Variants in PPP1R12C observed in about 807,000 individuals in gnomAD.
The protein encoded by PPP1R12C is leukocyte receptor cluster (LRC) encoded novel gene 3.
In PPP1R12C, 48 loss-of-function variants were observed where a neutral mutation model predicts 95.6. That is an observed-to-expected ratio of 0.50 (90% CI 0.40 to 0.64). The LOEUF (loss-of-function observed/expected upper bound fraction) is 0.64. Ranked by LOEUF, PPP1R12C falls within the 30% of genes least tolerant of loss-of-function variation. PPP1R12C has a pLI of 0.00. For synonymous variants in PPP1R12C, 480 were observed against 460.8 expected, an observed-to-expected ratio of 1.04 and a Z score of -0.53; for missense variants, 1,057 against 1,083.3, an observed-to-expected ratio of 0.98 and a Z score of 0.34.
chr19:55,091,465 C>T lies in PPP1R12C; in HGVS notation c.*7G>A, dbSNP rs374836820. 4.1e-5 allele frequency: 66 copies of T among 1,612,896 alleles called. No homozygotes were observed. The African/African-American group carries it at 8.4e-4, about 21-fold the overall frequency. On this transcript the variant is annotated 3_prime_UTR_variant, in exon 22 of 22. Coordinates refer to ENST00000263433, the MANE Select transcript of PPP1R12C (RefSeq NM_017607.4). Reference sequence around the variant, plus strand: ...TATAAATACGGGTGCGGGAAAGTCCCTCCGGGTCACTTGGAGAGTTTGCTG... The same window carrying T: ...TATAAATACGGGTGCGGGAAAGTCCTTCCGGGTCACTTGGAGAGTTTGCTG...
At chr19:55,112,295 G>A (rs2085104742) in intron 3 of PPP1R12C, 172 bp downstream of exon 3, 3 of 583,564 alleles carry the variant, frequency 5.1e-6, no homozygotes, top group Non-Finnish European at 8.9e-6. Flanking sequence ...AAGCAATCCT[G>A]GAGGCAGGCC....
At chr19:55,112,311 A>G (rs1427265746) in intron 3 of PPP1R12C, 156 bp downstream of exon 3, 1 of 661,048 alleles carries the variant, frequency 1.5e-6, no homozygotes, top group Non-Finnish European at 2.5e-6. Context: ...AGGCCCCTAC[A>G]CCCCCATTTC....
At position 55,100,955 on chromosome 19, in the gene PPP1R12C, A is replaced by T. The variant is rs563987457; in HGVS notation, c.732-1860T>A. On this transcript the variant is annotated intron_variant, in intron 4 of 21. Transcript: ENST00000263433. Reference sequence around the variant, plus strand: ...AGGAGAATGCTGGTTACATTATTTTAAAAATGCAGTCAGGCTAGGCACAGT... The same window carrying T: ...AGGAGAATGCTGGTTACATTATTTTTAAAATGCAGTCAGGCTAGGCACAGT... Among the ~76,000 whole-genome samples the T allele has an allele frequency of 7.9e-5, 12 of 152,254 alleles. No individual in the cohort carries two copies. In the South Asian group the frequency reaches 2.5e-3, roughly 32 times the overall value.
chr19:55,095,138 G>C (rs1162841915), intron 11 of PPP1R12C, 153 bp downstream of exon 11: 5 of 900,750 alleles, frequency 5.6e-6, no homozygotes, highest in Non-Finnish European at 8.7e-6. Flanking sequence ...CTGAGGGAGG[G>C]AGAGAGCCCC....
intron 4 of PPP1R12C, among the ~76,000 whole-genome samples, chr19:55,100,202 A>G (rs2084965885): frequency 6.6e-6 from 1 of 150,936 alleles, no homozygotes; most frequent in Admixed American, 6.6e-5. Context: ...TCCTGACCCC[A>G]AAGCCCCTCC....
chr19:55,110,023 C>T (rs907172730), intron 3 of PPP1R12C, among the ~76,000 whole-genome samples: 21 of 152,288 alleles, frequency 1.4e-4, no homozygotes, highest in African/African-American at 4.3e-4. Context: ...CCTCACCCCA[C>T]GGGAGGGAAG....
Position 55,091,118 on chromosome 19 carries a change from G to A in PPP1R12C, c.*354C>T. ...CATTCTTGGATCCCTGCTCAGGAGG[G>A]GAGGGGTGACGGGGTGGCATCACAC... On this transcript the variant is annotated 3_prime_UTR_variant, in exon 22 of 22. Transcript: ENST00000263433. The A allele has an allele frequency of 3.0e-6, 1 of 336,608 alleles. No individual in the cohort carries two copies. Among genetic ancestry groups the A allele is most frequent in the South Asian group, 3.1e-5 (1 of 32,330 alleles). 20.9% of individuals were successfully genotyped at this position (336,608 alleles called of 1,614,324 possible).
At chr19:55,117,139 C>A (rs1052723027) in intron 1 of PPP1R12C, 84 bp downstream of exon 1, 974 of 1,115,982 alleles carry the variant, frequency 8.7e-4, no homozygotes, top group Non-Finnish European at 1.0e-3. Context: ...CGGATCGAGA[C>A]TGGCAACGGG....
chr19:55,107,351 T>G (rs541153906), intron 3 of PPP1R12C, among the ~76,000 whole-genome samples: 1 of 152,092 alleles, frequency 6.6e-6, no homozygotes, highest in Non-Finnish European at 1.5e-5. Context: ...GAGGCAGAGG[T>G]TGCAGTGAGT....
chr19:55,095,574 G>A lies in PPP1R12C; in HGVS notation c.1257C>T (p.Arg419=). The A allele has an allele frequency of 6.3e-7, 1 of 1,579,612 alleles. No individual in the cohort carries two copies. The highest frequency in any genetic ancestry group is 8.6e-7 in the Non-Finnish European group (1 of 1,166,492). Residue 419 remains arginine (R), a synonymous_variant, in exon 10 of 22, where the codon CGC becomes CGT. Transcript: ENST00000263433. ...VQLEEAPFSR[R]FGLLKTGSSG... ...AACTCCCTGTCTTCAGGAGGCCAAAGCGCCTGGAGAAGGGGGCCTCTTCAA... is the reference window on the plus strand; with the variant it reads ...AACTCCCTGTCTTCAGGAGGCCAAAACGCCTGGAGAAGGGGGCCTCTTCAA...
rs1370097635 is a variant in PPP1R12C, at chr19:55,113,373, G to A, written c.322-578C>T. 7 of 1,431,466 alleles carry A rather than the reference G, an allele frequency of 4.9e-6. No homozygotes were observed. The African/African-American group carries it at 8.7e-5, about 18-fold the overall frequency. The allele number at this position is 1,431,466 out of a possible 1,614,324, so 88.7% of individuals were successfully genotyped here. A position where few individuals can be genotyped will look rare whatever the true frequency, so the allele number is the denominator to read the frequency against. On this transcript the variant is annotated intron_variant, in intron 1 of 21. Coordinates refer to ENST00000263433, the MANE Select transcript of PPP1R12C (RefSeq NM_017607.4). ...AGGGGCCTGGGCGGGACTCCCAGAGGGGTGAGACAGCTGCACACCTGTGTG... is the reference window on the plus strand; with the variant it reads ...AGGGGCCTGGGCGGGACTCCCAGAGAGGTGAGACAGCTGCACACCTGTGTG...
chr19:55,105,070 C>CT (rs60663683), intron 3 of PPP1R12C, among the ~76,000 whole-genome samples: 10,490 of 141,904 alleles, frequency 0.074, 1,195 homozygotes, highest in African/African-American at 0.25. Context: ...GCATCTGACC[C>CT]TTTTTTTTTT....
intron 15 of PPP1R12C, 73 bp downstream of exon 15, chr19:55,092,943 C>T: frequency 2.5e-6 from 4 of 1,579,596 alleles, no homozygotes; most frequent in Non-Finnish European, 3.4e-6. Context: ...GGTCAAGCCC[C>T]CAGGAAAGCA....
intron 1 of PPP1R12C, chr19:55,114,403 G>A (rs1446354724): frequency 6.6e-6 from 1 of 152,392 alleles, no homozygotes; most frequent in East Asian, 1.9e-4. Context: ...ACCCACGTGG[G>A]GTACCCTAAG....
Position 55,112,811 on chromosome 19 carries a change from A to C in PPP1R12C, c.322-16T>G. On this transcript the variant is annotated splice_polypyrimidine_tract_variant and intron_variant, in intron 1 of 21. Transcript: ENST00000263433. ...CAATGCAGGCCTGGGGGTGGGAAAC[A>C]GCCGTCAGCCGCACCTACCCCAGCC... The C allele has an allele frequency of 6.2e-7, 1 of 1,610,562 alleles. No individual in the cohort carries two copies.
At position 55,101,540 on chromosome 19, in the gene PPP1R12C, C is replaced by A. The variant is rs148606648; in HGVS notation, c.731+1869G>T. On this transcript the variant is annotated intron_variant, in intron 4 of 21. Coordinates refer to ENST00000263433, the MANE Select transcript of PPP1R12C (RefSeq NM_017607.4). ...GGCGTTAAGTGGTGCCGCTTGCGGA[C>A]TGCTCTTTTGAAAGGAATGGATGTT... is the stretch of plus-strand genomic sequence containing the variant. 4.4e-4 allele frequency among the ~76,000 whole-genome samples: 67 copies of A among 152,330 alleles called. 1 individual carries two copies. The highest frequency in any genetic ancestry group is 1.6e-3 in the African/African-American group (65 of 41,580).
chr19:55,113,820 A>G, intron 1 of PPP1R12C: 1 of 213,208 alleles, frequency 4.7e-6, no homozygotes, highest in Non-Finnish European at 9.2e-6. Flanking sequence ...TCATGGCGAT[A>G]GGGGAGGGGG....
intron 3 of PPP1R12C, among the ~76,000 whole-genome samples, chr19:55,106,064 G>C (rs1383488443): frequency 6.6e-6 from 1 of 152,128 alleles, no homozygotes; most frequent in Non-Finnish European, 1.5e-5. Flanking sequence ...AACGTGGGAT[G>C]GAACAGTCAT....
chr19:55,108,952 C>T (rs1404576846), intron 3 of PPP1R12C, among the ~76,000 whole-genome samples: 4 of 152,154 alleles, frequency 2.6e-5, no homozygotes, highest in South Asian at 4.1e-4. Context: ...GTGATCCGCC[C>T]GCCTCGGCCT....
Sources: gnomAD v4.1 joint callset for allele counts (sites outside exome capture counted in the v4.1 genomes callset) on GRCh38, gnomAD v4.1.1 for gene constraint, MANE v1.5 for transcripts, NCBI Gene and HGNC (gene_info 2026-07-23, HGNC 2026-07-21) for gene names.